Variants in NF2 observed in about 807,000 individuals in gnomAD.
NF2 encodes the protein NF2, moesin-ezrin-radixin like (MERLIN) tumor suppressor, also known as merlin.
NF2 carries 8 observed loss-of-function variants against 83.7 expected under a neutral mutation model. That is an observed-to-expected ratio of 0.10 (90% confidence interval 0.06 to 0.17). The LOEUF (loss-of-function observed/expected upper bound fraction) is 0.17. NF2 is among the 10% of genes least tolerant of loss of function. The probability of loss-of-function intolerance (pLI) is 1.00; values close to 1 mark genes in which losing one functional copy is unlikely to be tolerated. For missense variants in NF2, 533 were observed against 744.4 expected, an observed-to-expected ratio of 0.72 and a Z score of 3.31; for synonymous variants, 266 against 269.6, an observed-to-expected ratio of 0.99 and a Z score of 0.13.
At chr22:29,612,035 TCTCA>T (rs2064965284) in intron 1 of NF2, among the ~76,000 whole-genome samples, 1 of 152,110 alleles carries the variant, frequency 6.6e-6, no homozygotes, top group South Asian at 2.1e-4. Flanking sequence ...TGAAACGGAG[TCTCA>T]CTCTGTCGTC....
intron 1 of NF2, among the ~76,000 whole-genome samples, chr22:29,630,792 T>C (rs1296408170): frequency 6.6e-6 from 1 of 152,196 alleles, no homozygotes; most frequent in East Asian, 1.9e-4. Flanking sequence ...ACACTTTGGC[T>C]GCGTGGAAAG....
At chr22:29,631,367 C>T (rs766537406) in intron 1 of NF2, among the ~76,000 whole-genome samples, 7 of 152,134 alleles carry the variant, frequency 4.6e-5, no homozygotes, top group Admixed American at 1.3e-4. Context: ...ACCTTACTCC[C>T]GGAGACCCAG....
At chr22:29,632,328 TC>T (rs1364726259) in intron 1 of NF2, among the ~76,000 whole-genome samples, 3 of 152,112 alleles carry the variant, frequency 2.0e-5, no homozygotes, top group Non-Finnish European at 2.9e-5. Context: ...ACCTGCTTGC[TC>T]CTCTTTCCCC....
chr22:29,660,485 C>T (rs1236095151), intron 7 of NF2, among the ~76,000 whole-genome samples: 1 of 152,146 alleles, frequency 6.6e-6, no homozygotes, highest in East Asian at 1.9e-4. Context: ...TAAAATGAGA[C>T]CATCCAGCCC....
chr22:29,695,646 T>A lies in NF2; in HGVS notation c.*844T>A, dbSNP rs1243064131. ...GTGGGGCTGGGGTACTCCCTGGTCG[T>A]ACTGCAGTCAGCACCCGTAACCCGG... On this transcript the variant is annotated 3_prime_UTR_variant, in exon 16 of 16. Transcript: ENST00000338641. This position sits in a 1 kb window ranked among gnomAD's most constrained non-coding sequence, Gnocchi z 5.4. 8.6e-6 allele frequency: 2 copies of A among 233,708 alleles called. No individual in the cohort carries two copies. The highest frequency in any genetic ancestry group is 2.2e-5 in the African/African-American group (1 of 45,340). 14.5% of individuals were successfully genotyped at this position (233,708 alleles called of 1,614,324 possible).
At chr22:29,627,527 A>G (rs1247927173) in intron 1 of NF2, among the ~76,000 whole-genome samples, 1 of 152,152 alleles carries the variant, frequency 6.6e-6, no homozygotes, top group African/African-American at 2.4e-5. Context: ...ATGGCTCATA[A>G]GAGATTTACA....
chr22:29,677,675 C>G (rs2067006705), intron 13 of NF2, among the ~76,000 whole-genome samples: 1 of 152,222 alleles, frequency 6.6e-6, no homozygotes, highest in South Asian at 2.1e-4. Context: ...CTGCCCCACC[C>G]ATTGCCATAC....
intron 1 of NF2, among the ~76,000 whole-genome samples, chr22:29,618,558 A>G (rs972704204): frequency 2.6e-5 from 4 of 152,316 alleles, no homozygotes; most frequent in Middle Eastern, 3.4e-3. Flanking sequence ...GTTGTTTGTC[A>G]TTTTGAGAAA....
chr22:29,664,395 AC>A (rs1279543941), intron 8 of NF2, among the ~76,000 whole-genome samples: 1 of 151,832 alleles, frequency 6.6e-6, no homozygotes, highest in African/African-American at 2.4e-5. Flanking sequence ...ACACACACAC[AC>A]ACACACACAC....
At chr22:29,678,037 G>T (rs2067016833) in intron 13 of NF2, among the ~76,000 whole-genome samples, 159 bp from the exon 14 acceptor site, 1 of 152,192 alleles carries the variant, frequency 6.6e-6, no homozygotes, top group Non-Finnish European at 1.5e-5. Context: ...AATGTGGAGG[G>T]AGTGAAGTGG....
intron 1 of NF2, among the ~76,000 whole-genome samples, chr22:29,613,035 G>A (rs2064993371): frequency 1.3e-5 from 2 of 151,994 alleles, no homozygotes; most frequent in Non-Finnish European, 2.9e-5. Context: ...CGGAGCTTGC[G>A]GTGAGCTGAG....
chr22:29,689,098 A>T (rs1196204446), intron 15 of NF2, among the ~76,000 whole-genome samples: 2 of 148,834 alleles, frequency 1.3e-5, no homozygotes, highest in Non-Finnish European at 3.0e-5. Context: ...AGAATCACTT[A>T]AACCCAGGAG....
At chr22:29,615,923 A>G (rs1300834556) in intron 1 of NF2, among the ~76,000 whole-genome samples, 1 of 152,224 alleles carries the variant, frequency 6.6e-6, no homozygotes, top group African/African-American at 2.4e-5. Context: ...GAAACAGTTC[A>G]AATATACATC....
chr22:29,609,431 AC>A (rs1184132857), intron 1 of NF2: 3 of 432,790 alleles, frequency 6.9e-6, no homozygotes, highest in African/African-American at 2.0e-5. Flanking sequence ...AGGAGTGAAG[AC>A]CCTAGATCTG....
intron 8 of NF2, among the ~76,000 whole-genome samples, chr22:29,662,165 T>G (rs1178739608): frequency 6.6e-6 from 1 of 152,222 alleles, no homozygotes; most frequent in African/African-American, 2.4e-5. Context: ...AGGCTCTCAT[T>G]CTGTCACCGA....
chr22:29,604,768 C>A (rs960193083), intron 1 of NF2, among the ~76,000 whole-genome samples: 1 of 152,152 alleles, frequency 6.6e-6, no homozygotes, highest in Non-Finnish European at 1.5e-5. Context: ...TGTGGACCAG[C>A]AGCATTGGCA....
At chr22:29,672,271 T>C (rs979689142) in intron 11 of NF2, among the ~76,000 whole-genome samples, 1 of 151,204 alleles carries the variant, frequency 6.6e-6, no homozygotes, top group African/African-American at 2.4e-5. Flanking sequence ...CCTCCATTTG[T>C]AACAATCCAA....
At chr22:29,645,264 T>C (rs1228806196) in intron 4 of NF2, among the ~76,000 whole-genome samples, 2 of 152,120 alleles carry the variant, frequency 1.3e-5, no homozygotes, top group African/African-American at 4.8e-5. Flanking sequence ...GGAGAGAGCA[T>C]GAGAGTTGTT....
At chr22:29,667,689 T>C (rs2066665288) in intron 9 of NF2, among the ~76,000 whole-genome samples, 1 of 152,190 alleles carries the variant, frequency 6.6e-6, no homozygotes, top group Non-Finnish European at 1.5e-5. Flanking sequence ...CCTAGCCTGT[T>C]TTCTTTATTG....
Sources: gnomAD v4.1 joint callset for allele counts (sites outside exome capture counted in the v4.1 genomes callset) on GRCh38, gnomAD v4.1.1 for gene constraint, Gnocchi (gnomAD v3.1) non-coding constraint, MANE v1.5 for transcripts, NCBI Gene and HGNC (gene_info 2026-07-23, HGNC 2026-07-21) for gene names.